The following TIE1 variants were observed in gnomAD, a reference collection of about 807,000 sequenced individuals.
TIE1 encodes tyrosine kinase with immunoglobulin like and EGF like domains 1, also known as tyrosine-protein kinase receptor Tie-1.
Under a neutral mutation model 130.5 loss-of-function variants are expected in TIE1, and 89 were observed. The observed-to-expected ratio is 0.68, with a 90% CI of 0.57 to 0.81. TIE1 has a LOEUF of 0.81. Among genes scored for constraint, TIE1 ranks in the 40% least tolerant of loss-of-function variants. The pLI is 0.00. For missense variants in TIE1, 1,392 were observed against 1,559.8 expected, an observed-to-expected ratio of 0.89 and a Z score of 1.81; for synonymous variants, 568 against 629.4, an observed-to-expected ratio of 0.90 and a Z score of 1.46.
chr1:43,317,770 C>A lies in TIE1; in HGVS notation c.2731+96C>A. On this transcript the variant is annotated intron_variant, in intron 16 of 22. Transcript: ENST00000372476. This position sits in a 1 kb window ranked among gnomAD's most constrained non-coding sequence, Gnocchi z 5.1. ...GTAGCTTGCCAGGGGCTGCTGGTGA[C>A]CTGTGCACCACCCTTGATCCTCCTT... is the stretch of plus-strand genomic sequence containing the variant. 1 of 1,464,066 alleles carries A rather than the reference C, an allele frequency of 6.8e-7. No homozygotes were observed. The highest frequency in any genetic ancestry group is 9.4e-7 in the Non-Finnish European group (1 of 1,060,588). 90.7% of individuals were successfully genotyped at this position (1,464,066 alleles called of 1,614,324 possible). A position where few individuals can be genotyped will look rare whatever the true frequency, so the allele number is the denominator to read the frequency against.
chr1:43,321,256 C>G lies in TIE1; in HGVS notation c.3108-13C>G, dbSNP rs1311815208. 2 of 1,613,916 alleles carry G rather than the reference C, an allele frequency of 1.2e-6. No individual in the cohort carries two copies. The highest frequency in any genetic ancestry group is 1.7e-6 in the Non-Finnish European group (2 of 1,180,002). On this transcript the variant is annotated splice_polypyrimidine_tract_variant and intron_variant, in intron 19 of 22. Coordinates refer to ENST00000372476, the MANE Select transcript of TIE1 (RefSeq NM_005424.5). Reference sequence around the variant, plus strand: ...GGCCTAGAAGGTAACTAAGTGCATCCTTCTTATTTCAGCTGGTCCTTTGGA... The same window carrying G: ...GGCCTAGAAGGTAACTAAGTGCATCGTTCTTATTTCAGCTGGTCCTTTGGA...
In TIE1 at chr1:43,305,058, C is replaced by G; in HGVS notation, c.266C>G (p.Thr89Arg). 1 of 1,607,772 alleles carries G rather than the reference C, an allele frequency of 6.2e-7. No individual in the cohort carries two copies. The highest frequency in any genetic ancestry group is 8.5e-7 in the Non-Finnish European group (1 of 1,176,474). ...RLARNGSHQV[T>R]LRGFSKPSDL... Reference sequence around the variant, plus strand: ...GCGCGCAACGGTTCGCACCAGGTCACGCTTCGCGGCTTCTCCAAGCCCTCG... The same window carrying G: ...GCGCGCAACGGTTCGCACCAGGTCAGGCTTCGCGGCTTCTCCAAGCCCTCG... The change falls in exon 2 of 23, where the codon ACG becomes AGG. Residue 89 changes from threonine to arginine, a missense_variant. This residue lies in a region of TIE1 where 415 missense variants were observed against 424.8 expected (regional missense o/e 0.98). Coordinates refer to ENST00000372476, the MANE Select transcript of TIE1 (RefSeq NM_005424.5).
chr1:43,317,055 C>A lies in TIE1; in HGVS notation c.2410-144C>A. 1.3e-6 allele frequency: 1 copy of A among 788,430 alleles called. No individual in the cohort carries two copies. The highest frequency in any genetic ancestry group is 1.4e-5 in the South Asian group (1 of 70,114). The allele number at this position is 788,430 out of a possible 1,614,324, so 48.8% of individuals were successfully genotyped here. On this transcript the variant is annotated intron_variant, in intron 14 of 22. Coordinates refer to ENST00000372476, the MANE Select transcript of TIE1 (RefSeq NM_005424.5). This position sits in a 1 kb window ranked among gnomAD's most constrained non-coding sequence, Gnocchi z 5.1. ...TATGTCCTCTGTCTGCCTGTCTGTC[C>A]CTGGCTGACCACCAGGGTGCCCTCC...
Position 43,319,259 on chromosome 1 carries a change from C to T in TIE1, c.2947C>T (p.Arg983Trp), listed in dbSNP as rs1185657494. 6.2e-6 allele frequency: 10 copies of T among 1,613,982 alleles called. No homozygotes were observed. Among genetic ancestry groups the T allele is most frequent in the Admixed American group, 3.3e-5 (2 of 59,996 alleles). Residue 983 changes from arginine to tryptophan, a missense_variant, in exon 18 of 23, where the codon CGG becomes TGG. Arg to Trp is a moderately radical substitution (Grantham distance 101, BLOSUM62 -3). This residue lies in a region of TIE1 where 286 missense variants were observed against 354.4 expected (regional missense o/e 0.81). Transcript: ENST00000372476. This position sits in a 1 kb window ranked among gnomAD's most constrained non-coding sequence, Gnocchi z 4.7. The part of the protein sequence containing the change: ...KQFIHRDLAA[R>W]NVLVGENLAS... ...GTTCATCCACAGGGACCTGGCTGCC[C>T]GGAATGTGCTGGTCGGAGAGAACCT...
In TIE1 at chr1:43,307,811, A is replaced by T. The variant is rs764917501; in HGVS notation, c.929A>T (p.His310Leu). Residue 310 changes from histidine (H) to leucine (L), a missense_variant, in exon 7 of 23, where the codon CAT becomes CTT. His to Leu is a moderately conservative substitution (Grantham distance 99). Transcript: ENST00000372476. The surrounding 1 kb of genome is among the most constrained non-coding windows in gnomAD (Gnocchi z 5.4). The part of the protein sequence containing the change: ...SQCQEACAPG[H>L]FGADCRLQCQ... Reference sequence around the variant, plus strand: ...CTATTCCCAGCTTGTGCCCCTGGTCATTTTGGGGCTGATTGCCGACTCCAG... The same window carrying T: ...CTATTCCCAGCTTGTGCCCCTGGTCTTTTTGGGGCTGATTGCCGACTCCAG... 1 of 1,613,918 alleles carries T rather than the reference A, an allele frequency of 6.2e-7. No homozygotes were observed. Among genetic ancestry groups the T allele is most frequent in the Non-Finnish European group, 8.5e-7 (1 of 1,179,996 alleles).
intron 9 of TIE1, among the ~76,000 whole-genome samples, chr1:43,311,166 G>C (rs775039417): frequency 2.6e-4 from 39 of 152,286 alleles, no homozygotes; most frequent in African/African-American, 8.9e-4. Context: ...CAAGTTATTC[G>C]GTGTCTCTGA....
At position 43,304,868 on chromosome 1, in the gene TIE1, A is replaced by G. The variant is rs546504270; in HGVS notation, c.76A>G (p.Thr26Ala). 6.3e-6 allele frequency: 9 copies of G among 1,422,908 alleles called. No homozygotes were observed. In the South Asian group the frequency reaches 9.0e-5, roughly 14 times the overall value. 88.1% of individuals were successfully genotyped at this position (1,422,908 alleles called of 1,614,324 possible). ...GGCCCCAGGCGCGGCGGTGGACCTGACGCTGCTGGCCAACCTGCGGCTCAC... is the reference window on the plus strand; with the variant it reads ...GGCCCCAGGCGCGGCGGTGGACCTGGCGCTGCTGGCCAACCTGCGGCTCAC... Reference protein sequence around the residue: ...ASHVGAAVDLTLLANLRLTDP... With the variant: ...ASHVGAAVDLALLANLRLTDP... Residue 26 changes from threonine (T) to alanine (A), a missense_variant, in exon 2 of 23, where the codon ACG becomes GCG. By Grantham distance (58) the Thr-to-Ala change is moderately conservative. Transcript: ENST00000372476.
At position 43,307,586 on chromosome 1, in the gene TIE1, A is replaced by C. The variant is rs756867072; in HGVS notation, c.913+14A>C. 1 of 1,613,676 alleles carries C rather than the reference A, an allele frequency of 6.2e-7. No individual in the cohort carries two copies. Among genetic ancestry groups the C allele is most frequent in the Non-Finnish European group, 8.5e-7 (1 of 1,179,852 alleles). On this transcript the variant is annotated intron_variant, in intron 6 of 22. Transcript: ENST00000372476. This position sits in a 1 kb window ranked among gnomAD's most constrained non-coding sequence, Gnocchi z 5.4. ...AGTGCCAAGAAGGTATGCCTAACCT[A>C]CCCTCATGGTCCCTGACCAAGACAG... is the stretch of plus-strand genomic sequence containing the variant.
At chr1:43,314,073 GTGTT>G (rs1464675341) in intron 14 of TIE1, 105 bp downstream of exon 14, 11 of 1,190,098 alleles carry the variant, frequency 9.2e-6, no homozygotes, top group Admixed American at 3.8e-5. Flanking sequence ...GTGTGTGTGT[GTGTT>G]TATGTTGCAG....
At position 43,313,971 on chromosome 1, in the gene TIE1, C is replaced by A; in HGVS notation, c.2409+3C>A. The A allele has an allele frequency of 6.2e-7, 1 of 1,613,774 alleles. No homozygotes were observed. Among genetic ancestry groups the A allele is most frequent in the South Asian group, 1.1e-5 (1 of 91,032 alleles). On this transcript the variant is annotated splice_donor_region_variant and intron_variant, in intron 14 of 22. Coordinates refer to ENST00000372476, the MANE Select transcript of TIE1 (RefSeq NM_005424.5). The surrounding 1 kb of genome is among the most constrained non-coding windows in gnomAD (Gnocchi z 6.2). Reference sequence around the variant, plus strand: ...CCTTCACCTACCAGTCAGGCTCGGTCAGTGACCCGCCCCGCCCCTGGGTGC... The same window carrying A: ...CCTTCACCTACCAGTCAGGCTCGGTAAGTGACCCGCCCCGCCCCTGGGTGC...
In TIE1 at chr1:43,306,869, G is replaced by A. The variant is rs758499730; in HGVS notation, c.514G>A (p.Glu172Lys). Residue 172 changes from glutamate (E) to lysine (K), a missense_variant, in exon 4 of 23, where the codon GAA becomes AAA. Transcript: ENST00000372476. This position sits in a 1 kb window ranked among gnomAD's most constrained non-coding sequence, Gnocchi z 4.9. ...GSYFYTLDWH[E>K]AQDGRFLLQL... ...CTACTTCTACACCCTGGACTGGCAT[G>A]AAGCCCAGGATGGGCGGTTCCTGCT... The A allele has an allele frequency of 1.5e-5, 24 of 1,613,600 alleles. No homozygotes were observed. The highest frequency in any genetic ancestry group is 1.0e-4 in the Admixed American group (6 of 59,976).
chr1:43,313,914 C>T lies in TIE1; in HGVS notation c.2355C>T (p.Cys785=). 6.2e-7 allele frequency: 1 copy of T among 1,614,164 alleles called. No homozygotes were observed. The highest frequency in any genetic ancestry group is 8.5e-7 in the Non-Finnish European group (1 of 1,180,026). ...TILAALLTLV[C]IRRSCLHRRR... ...TGGCTGCCCTTTTAACCCTGGTGTG[C>T]ATCCGCAGAAGCTGCCTGCATCGGA... Residue 785 remains cysteine, a synonymous_variant, in exon 14 of 23, where the codon TGC becomes TGT. Coordinates refer to ENST00000372476, the MANE Select transcript of TIE1 (RefSeq NM_005424.5). This position sits in a 1 kb window ranked among gnomAD's most constrained non-coding sequence, Gnocchi z 6.2.
At position 43,322,029 on chromosome 1, in the gene TIE1, C is replaced by T. The variant is rs548553205; in HGVS notation, c.3345+314C>T. ...CATCAGCCTGTCCTCATCTGGGACA[C>T]CTCTCCCCACCTGCCAGAGCCAGAG... On this transcript the variant is annotated intron_variant, in intron 22 of 22. Transcript: ENST00000372476. This position sits in a 1 kb window ranked among gnomAD's most constrained non-coding sequence, Gnocchi z 4.0. 2.0e-5 allele frequency among the ~76,000 whole-genome samples: 3 copies of T among 152,264 alleles called. No homozygotes were observed. Among genetic ancestry groups the T allele is most frequent in the African/African-American group, 7.2e-5 (3 of 41,560 alleles).
At chr1:43,320,669 A>T (rs183658683) in intron 19 of TIE1, 2 of 152,116 alleles carry the variant, frequency 1.3e-5, no homozygotes, top group East Asian at 1.9e-4. Context: ...TGGCTGACAC[A>T]GTGAAACCCC....
Position 43,305,343 on chromosome 1 carries a change from G to A in TIE1, c.484G>A (p.Gly162Arg), listed in dbSNP as rs868409692. Residue 162 changes from glycine to arginine, a missense_variant and splice_region_variant, in exon 3 of 23, where the codon GGA becomes AGA. Gly to Arg is a moderately radical substitution (Grantham distance 125, BLOSUM62 -2). Transcript: ENST00000372476. ...GACAGACGTGATCTGGAAGAGCAAC[G>A]GTAAAGAGGGGCATTTGAACTGGTG... ...KQTDVIWKSNGSYFYTLDWHE... is the reference protein window; with the variant it reads ...KQTDVIWKSNRSYFYTLDWHE... The A allele has an allele frequency of 2.7e-6, 4 of 1,489,188 alleles. No individual in the cohort carries two copies. The highest frequency in any genetic ancestry group is 2.7e-6 in the Non-Finnish European group (3 of 1,121,934). The allele number at this position is 1,489,188 out of a possible 1,614,324, so 92.2% of individuals were successfully genotyped here.
At position 43,316,911 on chromosome 1, in the gene TIE1, C is replaced by G. The variant is rs1557452065; in HGVS notation, c.2410-288C>G. On this transcript the variant is annotated intron_variant, in intron 14 of 22. Transcript: ENST00000372476. The surrounding 1 kb of genome is among the most constrained non-coding windows in gnomAD (Gnocchi z 4.4). Reference sequence around the variant, plus strand: ...GCAACTTTACCCACAAGCCCTGGTTCTGCCTTCCAGAGTCCCGTACACTAG... The same window carrying G: ...GCAACTTTACCCACAAGCCCTGGTTGTGCCTTCCAGAGTCCCGTACACTAG... Among the ~76,000 whole-genome samples the G allele has an allele frequency of 6.6e-6, 1 of 152,220 alleles. No individual in the cohort carries two copies. Among genetic ancestry groups the G allele is most frequent in the South Asian group, 2.1e-4 (1 of 4,834 alleles).
At chr1:43,303,889 G>C (rs575556608) in intron 1 of TIE1, among the ~76,000 whole-genome samples, 2 of 152,114 alleles carry the variant, frequency 1.3e-5, no homozygotes, top group Non-Finnish European at 2.9e-5. Context: ...CCCCAGGCTG[G>C]AGCAGGGGTC....
chr1:43,313,336 C>T lies in TIE1; in HGVS notation c.2129C>T (p.Ala710Val). 1.2e-6 allele frequency: 2 copies of T among 1,614,024 alleles called. No individual in the cohort carries two copies. Among genetic ancestry groups the T allele is most frequent in the Non-Finnish European group, 1.7e-6 (2 of 1,179,966 alleles). The change falls in exon 13 of 23, where the codon GCC (alanine) becomes GTC (valine). Residue 710 changes from alanine (A) to valine (V), a missense_variant. Physicochemically the swap from Ala to Val is moderately conservative, Grantham distance 64. This residue lies in a region of TIE1 where 551 missense variants were observed against 565.5 expected (regional missense o/e 0.97). Transcript: ENST00000372476. The surrounding 1 kb of genome is among the most constrained non-coding windows in gnomAD (Gnocchi z 6.2). The part of the protein sequence containing the change: ...ETSTIIRGLN[A>V]STRYLFRMRA... ...AGCACCATCATCCGTGGCCTCAACGCCAGCACGCGCTACCTCTTCCGCATG... is the reference window on the plus strand; with the variant it reads ...AGCACCATCATCCGTGGCCTCAACGTCAGCACGCGCTACCTCTTCCGCATG...
In TIE1 at chr1:43,309,066, G is replaced by A; in HGVS notation, c.1123G>A (p.Ala375Thr). The change falls in exon 8 of 23, where the codon GCA becomes ACA. Residue 375 changes from alanine (A) to threonine (T), a missense_variant. Coordinates refer to ENST00000372476, the MANE Select transcript of TIE1 (RefSeq NM_005424.5). The surrounding 1 kb of genome is among the most constrained non-coding windows in gnomAD (Gnocchi z 6.3). ...GATGCCCCGGATCAACTGTGCAGCTGCAGGGAACCCCTTCCCCGTGCGGGG... is the reference window on the plus strand; with the variant it reads ...GATGCCCCGGATCAACTGTGCAGCTACAGGGAACCCCTTCCCCGTGCGGGG... Reference protein sequence around the residue: ...ETMPRINCAAAGNPFPVRGSI... With the variant: ...ETMPRINCAATGNPFPVRGSI... The A allele has an allele frequency of 6.2e-7, 1 of 1,613,958 alleles. No homozygotes were observed. The highest frequency in any genetic ancestry group is 1.1e-5 in the South Asian group (1 of 91,072).
Sources: gnomAD v4.1 joint callset for allele counts (sites outside exome capture counted in the v4.1 genomes callset) on GRCh38, gnomAD v4.1.1 for gene constraint, gnomAD v4.1.1 regional missense constraint, Gnocchi (gnomAD v3.1) non-coding constraint, MANE v1.5 for transcripts, NCBI Gene and HGNC (gene_info 2026-07-23, HGNC 2026-07-21) for gene names.